VPS33A: variants seen among roughly 807,000 people sequenced by gnomAD.
The protein encoded by VPS33A is VPS33A core subunit of CORVET and HOPS complexes.
A neutral mutation model predicts 71.8 loss-of-function variants in VPS33A; 32 were observed. The ratio of observed to expected loss-of-function variants is 0.45; its 90% CI spans 0.34 to 0.60. The LOEUF is 0.60. Among genes scored for constraint, VPS33A ranks in the 20% least tolerant of loss-of-function variants. The pLI, the probability that VPS33A is intolerant of heterozygous loss-of-function variation, is 0.02. For missense variants in VPS33A, 625 were observed against 748.5 expected (o/e 0.84, Z 1.92); for synonymous variants, 311 against 292.7 (o/e 1.06, Z -0.64).
At chr12:122,261,496 G>A (rs369069950) in intron 3 of VPS33A, 49 bp from the exon 4 acceptor site, 5 of 1,589,462 alleles carry the variant, frequency 3.1e-6, no homozygotes, top group Non-Finnish European at 4.3e-6. Context: ...AAGAGTCATG[G>A]ACCATTTTGC....
intron 9 of VPS33A, among the ~76,000 whole-genome samples, chr12:122,238,998 C>CAT (rs534935272): frequency 1.5e-5 from 1 of 68,148 alleles, no homozygotes; most frequent in African/African-American, 7.4e-5. Context: ...TACATACATA[C>CAT]ACACACACAC....
intron 4 of VPS33A, 134 bp downstream of exon 4, chr12:122,261,127 T>A (rs1182663791): frequency 2.8e-6 from 2 of 725,570 alleles, no homozygotes; most frequent in African/African-American, 3.7e-5. Context: ...GAACAATTTG[T>A]TGAACAGAAA....
At position 122,232,231 on chromosome 12, in the gene VPS33A, TCTC is replaced by T; in HGVS notation, c.*12_*14del. The T allele has an allele frequency of 6.3e-7, 1 of 1,599,640 alleles. No individual in the cohort carries two copies. The highest frequency in any genetic ancestry group is 8.5e-7 in the Non-Finnish European group (1 of 1,173,604). ...TTTATTCTGCAGTACACTTGTTAAGTCTCCTCTGAACATCCTAGAAAGGTTTTT... is the reference window on the plus strand; with the variant it reads ...TTTATTCTGCAGTACACTTGTTAAGTCTCTGAACATCCTAGAAAGGTTTTT... On this transcript the variant is annotated 3_prime_UTR_variant, in exon 13 of 13. Coordinates refer to ENST00000267199, the MANE Select transcript of VPS33A (RefSeq NM_022916.6).
At chr12:122,250,411 T>C (rs1173587178) in intron 5 of VPS33A, among the ~76,000 whole-genome samples, 1 of 152,200 alleles carries the variant, frequency 6.6e-6, no homozygotes, top group African/African-American at 2.4e-5. Flanking sequence ...TGTCAATTGA[T>C]CAATACGTAA....
At chr12:122,252,462 G>A (rs952401963) in intron 4 of VPS33A, among the ~76,000 whole-genome samples, 2 of 151,960 alleles carry the variant, frequency 1.3e-5, no homozygotes, top group Admixed American at 6.6e-5. Context: ...AGTAGAGACG[G>A]GGTTTCACCA....
chr12:122,247,200 C>T (rs540945782), intron 6 of VPS33A, among the ~76,000 whole-genome samples: 2 of 152,132 alleles, frequency 1.3e-5, no homozygotes, highest in East Asian at 3.9e-4. Context: ...ACTTACATTA[C>T]GAAAAAACTT....
chr12:122,250,542 C>T (rs925800371), intron 5 of VPS33A, among the ~76,000 whole-genome samples: 2 of 152,306 alleles, frequency 1.3e-5, no homozygotes, highest in East Asian at 1.9e-4. Context: ...CTCTGACACA[C>T]GTAATGTCTC....
At chr12:122,256,908 G>A (rs1309139554) in intron 4 of VPS33A, among the ~76,000 whole-genome samples, 1 of 152,138 alleles carries the variant, frequency 6.6e-6, no homozygotes, top group Non-Finnish European at 1.5e-5. Context: ...AGCTTCAAAT[G>A]AGAATAAACA....
In VPS33A at chr12:122,231,396, C is replaced by T. The variant is rs544105974; in HGVS notation, c.*850G>A. 6.6e-6 allele frequency: 1 copy of T among 152,250 alleles called. No individual in the cohort carries two copies. Among genetic ancestry groups the T allele is most frequent in the East Asian group, 1.9e-4 (1 of 5,196 alleles). The allele number at this position is 152,250 out of a possible 1,614,324, so 9.4% of individuals were successfully genotyped here. ...AAGGAAGCAAACTTGCCTTAGTGAT[C>T]AGTTGCGACAGTGACTGATGACCCT... On this transcript the variant is annotated 3_prime_UTR_variant, in exon 13 of 13. Coordinates refer to ENST00000267199, the MANE Select transcript of VPS33A (RefSeq NM_022916.6).
chr12:122,242,113 G>A (rs915883676), intron 8 of VPS33A, among the ~76,000 whole-genome samples: 2 of 151,902 alleles, frequency 1.3e-5, no homozygotes, highest in Non-Finnish European at 2.9e-5. Context: ...TCATCATGTT[G>A]GCCAGGCTGG....
At chr12:122,259,051 C>T (rs1954955682) in intron 4 of VPS33A, among the ~76,000 whole-genome samples, 1 of 151,420 alleles carries the variant, frequency 6.6e-6, no homozygotes, top group Non-Finnish European at 1.5e-5. Flanking sequence ...AACTGGAACC[C>T]TCCCACACTG....
chr12:122,242,338 G>T, intron 8 of VPS33A, 44 bp downstream of exon 8: 1 of 1,594,252 alleles, frequency 6.3e-7, no homozygotes, highest in Non-Finnish European at 8.6e-7. Context: ...CGTTGTATGT[G>T]CAAGTAGCCC....
chr12:122,255,131 G>C (rs572607823), intron 4 of VPS33A, among the ~76,000 whole-genome samples: 7 of 151,764 alleles, frequency 4.6e-5, no homozygotes, highest in African/African-American at 1.7e-4. Context: ...TTTCTCCTCT[G>C]CACAGATTTT....
At chr12:122,241,362 G>A (rs900422422) in intron 8 of VPS33A, among the ~76,000 whole-genome samples, 13 of 152,066 alleles carry the variant, frequency 8.5e-5, no homozygotes, top group Admixed American at 3.9e-4. Context: ...CCGGAGTGCA[G>A]TGGTGCAATC....
At position 122,238,594 on chromosome 12, in the gene VPS33A, A is replaced by G; in HGVS notation, c.1295T>C (p.Ile432Thr). 1 of 1,604,898 alleles carries G rather than the reference A, an allele frequency of 6.2e-7. No individual in the cohort carries two copies. Among genetic ancestry groups the G allele is most frequent in the South Asian group, 1.1e-5 (1 of 89,840 alleles). ...QKVLDYYKRE[I>T]LQTYGYEHIL... is the part of the protein sequence containing the mutation. ...ATTTAAAAATATACTCACCTGGAGAATCTCTCTTTTGTAATAATCCAAAAC... is the reference window on the plus strand; with the variant it reads ...ATTTAAAAATATACTCACCTGGAGAGTCTCTCTTTTGTAATAATCCAAAAC... Residue 432 changes from isoleucine to threonine, a missense_variant, in exon 10 of 13, where the codon ATT (isoleucine) becomes ACT (threonine). Coordinates refer to ENST00000267199, the MANE Select transcript of VPS33A (RefSeq NM_022916.6).
At chr12:122,239,826 A>G in intron 9 of VPS33A, 52 bp downstream of exon 9, 1 of 1,062,330 alleles carries the variant, frequency 9.4e-7, no homozygotes, top group South Asian at 1.3e-5. Context: ...CTATAATCTG[A>G]GGTTTAATAA....
chr12:122,232,759 A>G, intron 12 of VPS33A, 41 bp downstream of exon 12: 1 of 1,579,954 alleles, frequency 6.3e-7, no homozygotes, highest in Non-Finnish European at 8.6e-7. Context: ...AAACCACACT[A>G]ACAGTACATA....
chr12:122,251,173 G>C, intron 4 of VPS33A, 74 bp from the exon 5 acceptor site: 2 of 967,650 alleles, frequency 2.1e-6, no homozygotes, highest in South Asian at 2.8e-5. Context: ...CTGGGGCTGG[G>C]GTGCAGCGAC....
At chr12:122,266,164 G>A (rs966875789) in intron 1 of VPS33A, 143 bp downstream of exon 1, 10 of 1,229,412 alleles carry the variant, frequency 8.1e-6, no homozygotes, top group Non-Finnish European at 1.1e-5. Flanking sequence ...CCTGCACAGG[G>A]GTGCAGGTAA....
Sources: gnomAD v4.1 joint callset for allele counts (sites outside exome capture counted in the v4.1 genomes callset) on GRCh38, gnomAD v4.1.1 for gene constraint, MANE v1.5 for transcripts, NCBI Gene and HGNC (gene_info 2026-07-23, HGNC 2026-07-21) for gene names.